LATS2: variants seen among roughly 807,000 people sequenced by gnomAD.
LATS2 encodes serine/threonine-protein kinase LATS2.
In LATS2, 24 loss-of-function variants were observed where a neutral mutation model predicts 76.0. That is an observed-to-expected ratio of 0.32 (90% CI 0.23 to 0.44). The LOEUF is 0.44. Among genes scored for constraint, LATS2 ranks in the 20% least tolerant of loss-of-function variants. LATS2 has a pLI of 1.00. For missense variants in LATS2, 1,286 were observed against 1,481.2 expected, an observed-to-expected ratio of 0.87 and a Z score of 2.16; for synonymous variants, 692 against 635.4, an observed-to-expected ratio of 1.09 and a Z score of -1.34.
intron 2 of LATS2, among the ~76,000 whole-genome samples, chr13:21,011,457 T>C (rs1232891500): frequency 1.3e-5 from 2 of 152,190 alleles, no homozygotes; most frequent in African/African-American, 4.8e-5. Context: ...GGCAGAGAGC[T>C]AGGAAACTAA....
At chr13:20,979,849 G>T in intron 6 of LATS2, 52 bp from the exon 7 acceptor site, 1 of 1,016,074 alleles carries the variant, frequency 9.8e-7, no homozygotes, top group Non-Finnish European at 1.5e-6. Flanking sequence ...TCTCCTCCGA[G>T]GTGAATTTCA....
rs1296862854 is a variant in LATS2, at chr13:21,042,636, T to C, written c.342+3049A>G. 7.3e-5 allele frequency among the ~76,000 whole-genome samples: 11 copies of C among 151,340 alleles called. No individual in the cohort carries two copies. The East Asian group carries it at 2.0e-3, about 27-fold the overall frequency. On this transcript the variant is annotated intron_variant, in intron 2 of 7. Coordinates refer to ENST00000382592, the MANE Select transcript of LATS2 (RefSeq NM_014572.3). The stretch of plus-strand genomic sequence containing the variant: ...TGGAAGGTCGAGGCTGCAGTGAGCA[T>C]TGACCTCACCACCACACTCCAGACT...
intron 2 of LATS2, chr13:21,005,637 C>T (rs1367430705): frequency 1.3e-5 from 2 of 152,072 alleles, no homozygotes; most frequent in African/African-American, 4.8e-5. Flanking sequence ...GCTGGGAACA[C>T]TACCTTAGGA....
At chr13:21,048,275 G>T (rs895950865) in intron 1 of LATS2, among the ~76,000 whole-genome samples, 4 of 152,222 alleles carry the variant, frequency 2.6e-5, no homozygotes, top group South Asian at 4.1e-4. Flanking sequence ...AAGTGACTCG[G>T]TATGTCTGGG....
intron 2 of LATS2, among the ~76,000 whole-genome samples, chr13:21,007,699 A>ATATATATATAGT (rs1173839566): frequency 1.7e-3 from 1 of 586 alleles, no homozygotes; most frequent in Non-Finnish European, 4.5e-3. Context: ...ATATATATAT[A>ATATATATATAGT]GTATGTATAT....
intron 2 of LATS2, among the ~76,000 whole-genome samples, chr13:21,034,737 T>C (rs943257293): frequency 6.6e-6 from 1 of 152,086 alleles, no homozygotes; most frequent in Admixed American, 6.6e-5. Flanking sequence ...CTGCCGAGCC[T>C]ACACAGCTAG....
intron 2 of LATS2, among the ~76,000 whole-genome samples, chr13:21,035,841 C>T (rs942941026): frequency 3.9e-5 from 6 of 152,206 alleles, no homozygotes; most frequent in African/African-American, 1.4e-4. Flanking sequence ...CTAGGACCTG[C>T]GCCACTCACA....
intron 2 of LATS2, among the ~76,000 whole-genome samples, chr13:21,015,529 A>G (rs1449560024): frequency 2.0e-5 from 3 of 152,206 alleles, no homozygotes; most frequent in Admixed American, 6.5e-5. Context: ...AACTTGTCAT[A>G]AGAAGATAAG....
intron 2 of LATS2, among the ~76,000 whole-genome samples, chr13:20,999,029 T>C (rs998660227): frequency 1.1e-4 from 16 of 150,462 alleles, no homozygotes; most frequent in African/African-American, 3.9e-4. Context: ...AGGGCGGGGG[T>C]TCTGGCGACC....
intron 1 of LATS2, among the ~76,000 whole-genome samples, chr13:21,060,055 G>A (rs1350626005): frequency 6.6e-6 from 1 of 152,214 alleles, no homozygotes; most frequent in Non-Finnish European, 1.5e-5. Flanking sequence ...AAAGGCCTCA[G>A]AACAGCCGCC....
Position 20,989,033 on chromosome 13 carries a change from C to T in LATS2, c.747G>A (p.Gln249=). 5.1e-6 allele frequency: 8 copies of T among 1,564,576 alleles called. No homozygotes were observed. Among genetic ancestry groups the T allele is most frequent in the African/African-American group, 1.3e-5 (1 of 74,090 alleles). The change falls in exon 4 of 8, where the codon CAG becomes CAA. Residue 249 remains glutamine, a synonymous_variant. Transcript: ENST00000382592. Reference sequence around the variant, plus strand: ...GGTGCGGCCGCCCGTAGTGCGCGCCCTGCAGCGGGAAGTGTGCCCCTGCTG... The same window carrying T: ...GGTGCGGCCGCCCGTAGTGCGCGCCTTGCAGCGGGAAGTGTGCCCCTGCTG... ...VEAAGAHFPL[Q]GAHYGRPHLL...
chr13:20,993,349 A>T (rs984103770), intron 2 of LATS2, among the ~76,000 whole-genome samples: 1 of 152,222 alleles, frequency 6.6e-6, no homozygotes, highest in Non-Finnish European at 1.5e-5. Flanking sequence ...TTAAGCACTT[A>T]TTGTCCATAT....
In LATS2 at chr13:20,988,925, AC is replaced by A; in HGVS notation, c.854del (p.Gly285ValfsTer148). 3 of 1,522,412 alleles carry A rather than the reference AC, an allele frequency of 2.0e-6. No individual in the cohort carries two copies. The highest frequency in any genetic ancestry group is 1.2e-5 in the South Asian group (1 of 81,952). The allele number at this position is 1,522,412 out of a possible 1,614,324, so 94.3% of individuals were successfully genotyped here. A position where few individuals can be genotyped will look rare whatever the true frequency, so the allele number is the denominator to read the frequency against. ...GGCCCTTCGTGGGCAGGCTGGCGTA[AC>A]CCCCGGTCTCCGGCGGCGTCTTGCT... ...FQSKTPPETG[G>X]YASLPTKGQG... On this transcript the variant is annotated frameshift_variant, in exon 4 of 8. Transcript: ENST00000382592. LOFTEE classifies it high-confidence loss of function.
At chr13:20,992,269 G>A (rs1026521075) in intron 2 of LATS2, among the ~76,000 whole-genome samples, 4 of 152,148 alleles carry the variant, frequency 2.6e-5, no homozygotes, top group Non-Finnish European at 4.4e-5. Context: ...ATGGGGGGAT[G>A]GACCCACAGA....
At chr13:21,003,616 AT>A (rs1212808101) in intron 2 of LATS2, among the ~76,000 whole-genome samples, 1 of 151,710 alleles carries the variant, frequency 6.6e-6, no homozygotes, top group Non-Finnish European at 1.5e-5. Flanking sequence ...TAATTTTTGT[AT>A]TTTTAGTAGA....
chr13:21,011,613 C>A (rs540174308), intron 2 of LATS2, among the ~76,000 whole-genome samples: 8 of 152,168 alleles, frequency 5.3e-5, no homozygotes, highest in African/African-American at 1.9e-4. Flanking sequence ...TTTGCCTTGG[C>A]CTAGGAATTT....
At chr13:21,017,628 T>C (rs1021913935) in intron 2 of LATS2, among the ~76,000 whole-genome samples, 5 of 146,472 alleles carry the variant, frequency 3.4e-5, no homozygotes, top group Non-Finnish European at 6.0e-5. Flanking sequence ...TTTCTTTCTT[T>C]TTTTTTTTTT....
chr13:21,025,445 T>C (rs1481006970), intron 2 of LATS2, among the ~76,000 whole-genome samples: 2 of 150,798 alleles, frequency 1.3e-5, no homozygotes, highest in South Asian at 4.2e-4. Context: ...GAGTTTCTGG[T>C]TGGCACCTGA....
chr13:21,005,483 G>T, intron 2 of LATS2: 1 of 152,356 alleles, frequency 6.6e-6, no homozygotes, highest in East Asian at 1.9e-4. Flanking sequence ...GGCTTGCCAA[G>T]TTCCTCTGCA....
Sources: gnomAD v4.1 joint callset for allele counts (sites outside exome capture counted in the v4.1 genomes callset) on GRCh38, gnomAD v4.1.1 for gene constraint, MANE v1.5 for transcripts, NCBI Gene and HGNC (gene_info 2026-07-23, HGNC 2026-07-21) for gene names.